LAMB1: variants seen among roughly 807,000 people sequenced by gnomAD.
The protein encoded by LAMB1 is laminin subunit beta-1.
Under a neutral mutation model 222.3 loss-of-function variants are expected in LAMB1, and 121 were observed. That is an observed-to-expected ratio of 0.54 (90% CI 0.47 to 0.63). The LOEUF is 0.63. Ranked by LOEUF, LAMB1 falls within the 30% of genes least tolerant of loss-of-function variation. LAMB1 has a pLI of 0.00. For synonymous variants in LAMB1, 794 were observed against 807.2 expected (o/e 0.98, Z 0.28); for missense variants, 2,172 against 2,240.8 (o/e 0.97, Z 0.62).
At chr7:107,962,514 G>T (rs1320759242) in intron 15 of LAMB1, among the ~76,000 whole-genome samples, 1 of 152,192 alleles carries the variant, frequency 6.6e-6, no homozygotes, top group Non-Finnish European at 1.5e-5. Context: ...AGGAGTTCAA[G>T]ATCAGCCTGG....
chr7:108,002,944 C>A lies in LAMB1; in HGVS notation c.-59G>T. On this transcript the variant is annotated 5_prime_UTR_variant, in exon 2 of 34. Coordinates refer to ENST00000222399, the MANE Select transcript of LAMB1 (RefSeq NM_002291.3). ...GGAGTGGAGAAGACGCCCGCCGAGC[C>A]GCCTGCCCTTTCTTCCCGTCTTCCT... The A allele has an allele frequency of 6.2e-7, 1 of 1,609,626 alleles. No individual in the cohort carries two copies. Among genetic ancestry groups the A allele is most frequent in the African/African-American group, 1.3e-5 (1 of 74,792 alleles).
Position 107,960,633 on chromosome 7 carries a change from T to C in LAMB1, c.2126A>G (p.Tyr709Cys), listed in dbSNP as rs2150428038. 1 of 1,614,164 alleles carries C rather than the reference T, an allele frequency of 6.2e-7. No individual in the cohort carries two copies. The highest frequency in any genetic ancestry group is 8.5e-7 in the Non-Finnish European group (1 of 1,179,958). ...TLIDSLVLMP[Y>C]CKSLDIFTVG... ...GGTGAAGATGTCCAGTGATTTACAG[T>C]ATGGCATGAGAACAAGCTGTGAAGA... Residue 709 changes from tyrosine (Y) to cysteine (C), a missense_variant, in exon 18 of 34, where the codon TAC becomes TGC. By Grantham distance (194) the Tyr-to-Cys change is radical (BLOSUM62 -2). Coordinates refer to ENST00000222399, the MANE Select transcript of LAMB1 (RefSeq NM_002291.3).
At chr7:107,935,136 T>A (rs1356619174) in intron 27 of LAMB1, among the ~76,000 whole-genome samples, 1 of 151,266 alleles carries the variant, frequency 6.6e-6, no homozygotes, top group African/African-American at 2.4e-5. Context: ...GCTAAAACAG[T>A]ATGGGAGAAT....
intron 5 of LAMB1, among the ~76,000 whole-genome samples, chr7:107,987,654 C>G (rs1220741372): frequency 6.6e-6 from 1 of 152,172 alleles, no homozygotes; most frequent in African/African-American, 2.4e-5. Flanking sequence ...ACACGCACCA[C>G]CACGCCTGGC....
Position 107,975,478 on chromosome 7 carries a change from C to T in LAMB1, c.1190-65G>A, listed in dbSNP as rs2033833895. The T allele has an allele frequency of 4.9e-6, 7 of 1,429,814 alleles. No homozygotes were observed. The South Asian group carries it at 6.9e-5, about 14-fold the overall frequency. The allele number at this position is 1,429,814 out of a possible 1,614,324, so 88.6% of individuals were successfully genotyped here. ...AACTCAATGTATCTTTGTATAAATA[C>T]ATATATTCCCTTCCTCCCTCTAAAT... is the stretch of plus-strand genomic sequence containing the variant. On this transcript the variant is annotated intron_variant, in intron 10 of 33. Coordinates refer to ENST00000222399, the MANE Select transcript of LAMB1 (RefSeq NM_002291.3).
chr7:107,929,003 C>T, intron 31 of LAMB1, 61 bp downstream of exon 31: 1 of 1,493,572 alleles, frequency 6.7e-7, no homozygotes, highest in South Asian at 1.1e-5. Context: ...AACAAATGTA[C>T]TTTTCTGGTA....
At chr7:107,984,598 C>T (rs148148898) in intron 7 of LAMB1, among the ~76,000 whole-genome samples, 7 of 152,196 alleles carry the variant, frequency 4.6e-5, no homozygotes, top group South Asian at 2.1e-4. Context: ...CCTCTTCTCC[C>T]GAGTTGAGGT....
chr7:107,988,831 G>A (rs923475482), intron 5 of LAMB1, among the ~76,000 whole-genome samples: 19 of 152,158 alleles, frequency 1.2e-4, no homozygotes, highest in Admixed American at 1.2e-3. Context: ...AGAGGCCTCA[G>A]CAGAAACCAA....
chr7:107,975,744 C>G lies in LAMB1; in HGVS notation c.1134G>C (p.Lys378Asn). The stretch of plus-strand genomic sequence containing the variant: ...TCTCTGGGTGCTGGTAGTAAAACGG[C>G]TTGCACTGCTCACAGTTGCGCCCCA... The part of the protein sequence containing the change: ...NTMGRNCEQC[K>N]PFYYQHPERD... The change falls in exon 10 of 34, where the codon AAG (lysine) becomes AAC (asparagine). Residue 378 changes from lysine (K) to asparagine (N), a missense_variant. Coordinates refer to ENST00000222399, the MANE Select transcript of LAMB1 (RefSeq NM_002291.3). 1.2e-6 allele frequency: 2 copies of G among 1,613,970 alleles called. No individual in the cohort carries two copies. Among genetic ancestry groups the G allele is most frequent in the Non-Finnish European group, 1.7e-6 (2 of 1,179,988 alleles).
chr7:108,002,361 G>C (rs755926028), intron 2 of LAMB1: 97 of 1,316,514 alleles, frequency 7.4e-5, no homozygotes, highest in Non-Finnish European at 9.7e-5. Flanking sequence ...CTCCATTCCA[G>C]GGAAGCGCCA....
rs1375786236 is a variant in LAMB1, at chr7:107,935,554, G to T, written c.4049C>A (p.Ala1350Asp). 6.2e-7 allele frequency: 1 copy of T among 1,613,722 alleles called. No individual in the cohort carries two copies. Among genetic ancestry groups the T allele is most frequent in the Admixed American group, 1.7e-5 (1 of 59,974 alleles). Residue 1350 changes from alanine to aspartate, a missense_variant, in exon 27 of 34, where the codon GCC becomes GAC. Physicochemically the swap from Ala to Asp is moderately radical, Grantham distance 126. Transcript: ENST00000222399. ...GTCTTCTACTCTGTCTCTCATGAGG[G>T]CTGACTGCTCCACAGTGCTGTTGGG... ...TEPNSTVEQS[A>D]LMRDRVEDVM...
intron 27 of LAMB1, among the ~76,000 whole-genome samples, chr7:107,934,304 A>G (rs2032787284): frequency 6.6e-6 from 1 of 152,218 alleles, no homozygotes; most frequent in Non-Finnish European, 1.5e-5. Flanking sequence ...AAGCATCACT[A>G]AGACAAAGCT....
chr7:107,944,491 T>C (rs1051589642), intron 24 of LAMB1, among the ~76,000 whole-genome samples: 2 of 152,198 alleles, frequency 1.3e-5, no homozygotes, highest in African/African-American at 4.8e-5. Context: ...ATCTCACAGA[T>C]GACCGGATTG....
At chr7:107,976,519 C>A (rs181555918) in intron 9 of LAMB1, among the ~76,000 whole-genome samples, 118 of 152,274 alleles carry the variant, frequency 7.7e-4, no homozygotes, top group East Asian at 1.3e-3. Flanking sequence ...CTTAACAATC[C>A]CATTCTTGTC....
chr7:107,949,560 G>A (rs1410125126), intron 24 of LAMB1, among the ~76,000 whole-genome samples: 1 of 152,130 alleles, frequency 6.6e-6, no homozygotes, highest in Non-Finnish European at 1.5e-5. Context: ...CTGGTCCACT[G>A]GATTTCAATA....
At chr7:107,981,705 A>G (rs2237701) in intron 7 of LAMB1, among the ~76,000 whole-genome samples, 92,046 of 152,084 alleles carry the variant, frequency 0.61, 28,767 homozygotes, top group African/African-American at 0.74. Flanking sequence ...ACAGCAATTA[A>G]TGTCAGTTTC....
At chr7:107,966,972 A>C (rs1410584247) in intron 13 of LAMB1, among the ~76,000 whole-genome samples, 2 of 152,184 alleles carry the variant, frequency 1.3e-5, no homozygotes, top group African/African-American at 4.8e-5. Context: ...TCCTTCAGTG[A>C]ACTCATTCTT....
rs140789246 is a variant in LAMB1, at chr7:107,959,554, C to T, written c.2459-74G>A. 4.4e-5 allele frequency: 70 copies of T among 1,606,382 alleles called. No individual in the cohort carries two copies. In the African/African-American group the frequency reaches 8.8e-4, roughly 20 times the overall value. On this transcript the variant is annotated intron_variant, in intron 19 of 33. Transcript: ENST00000222399. ...GAAACATGCTCCTTTTATAAGCACC[C>T]TGTCCCCAATTCAGAATGCTCATGG... is the stretch of plus-strand genomic sequence containing the variant.
At chr7:107,992,617 C>T (rs542749490) in intron 5 of LAMB1, among the ~76,000 whole-genome samples, 5 of 152,220 alleles carry the variant, frequency 3.3e-5, no homozygotes, top group African/African-American at 9.6e-5. Flanking sequence ...AGGGAACAGG[C>T]CAGGCGCGGT....
Sources: gnomAD v4.1 joint callset for allele counts (sites outside exome capture counted in the v4.1 genomes callset) on GRCh38, gnomAD v4.1.1 for gene constraint, MANE v1.5 for transcripts, NCBI Gene and HGNC (gene_info 2026-07-23, HGNC 2026-07-21) for gene names.